The following KLF12 variants were observed in gnomAD, a reference collection of about 807,000 sequenced individuals.
KLF12 encodes KLF transcription factor 12.
KLF12 carries 9 observed loss-of-function variants against 37.8 expected under a neutral mutation model. That is an observed-to-expected ratio of 0.24 (90% confidence interval 0.14 to 0.42). KLF12 has a LOEUF of 0.42. KLF12 is among the 10% of genes least tolerant of loss of function. The pLI, the probability that KLF12 is intolerant of heterozygous loss-of-function variation, is 1.00. For missense variants in KLF12, 411 were observed against 516.0 expected (o/e 0.80, Z 1.97); for synonymous variants, 208 against 202.1 (o/e 1.03, Z -0.25).
the KLF12 span, among the ~76,000 whole-genome samples, chr13:74,261,810 A>G: frequency 1.3e-5 from 2 of 152,248 alleles, no homozygotes; most frequent in African/African-American, 2.4e-5. Flanking sequence ...AAATATGCAC[A>G]TGCAGACACA....
the KLF12 span, among the ~76,000 whole-genome samples, chr13:74,162,435 T>A: frequency 6.6e-6 from 1 of 152,252 alleles, no homozygotes; most frequent in Non-Finnish European, 1.5e-5. Flanking sequence ...TCAATTTGAT[T>A]CTTAAATTAG....
the KLF12 span, among the ~76,000 whole-genome samples, chr13:74,197,016 T>A: frequency 3.1e-4 from 47 of 152,256 alleles, no homozygotes; most frequent in African/African-American, 1.1e-3. Context: ...ATTTCTTCAA[T>A]ATTACAGGCT....
the KLF12 span, among the ~76,000 whole-genome samples, chr13:74,153,145 T>C: frequency 6.6e-6 from 1 of 151,924 alleles, no homozygotes; most frequent in East Asian, 1.9e-4. Flanking sequence ...TTCTCCTCCA[T>C]TGTAATTCAA....
At chr13:74,074,204 C>G (rs2138720304) in intron 1 of KLF12, among the ~76,000 whole-genome samples, 1 of 152,208 alleles carries the variant, frequency 6.6e-6, no homozygotes, top group Admixed American at 6.5e-5. Flanking sequence ...GCACATTTTG[C>G]TACTCTGAAG....
At chr13:73,929,175 G>C (rs958189379) in intron 3 of KLF12, among the ~76,000 whole-genome samples, 1 of 152,188 alleles carries the variant, frequency 6.6e-6, no homozygotes, top group African/African-American at 2.4e-5. Context: ...AAATACAAGA[G>C]AGATCAATGG....
chr13:74,187,883 T>C, the KLF12 span, among the ~76,000 whole-genome samples: 1 of 152,170 alleles, frequency 6.6e-6, no homozygotes, highest in Non-Finnish European at 1.5e-5. Context: ...CCCAAGGTGC[T>C]AAGAGTTGCT....
At chr13:74,275,809 TC>T in the KLF12 span, among the ~76,000 whole-genome samples, 1 of 79,640 alleles carries the variant, frequency 1.3e-5, no homozygotes, top group Non-Finnish European at 2.5e-5. Flanking sequence ...TTTCTTTCCT[TC>T]TTTCTTTCTT....
At chr13:73,715,225 G>C in intron 7 of KLF12, 143 bp downstream of exon 7, 1 of 595,606 alleles carries the variant, frequency 1.7e-6, no homozygotes, top group Non-Finnish European at 2.8e-6. Flanking sequence ...TCTCAAGAGA[G>C]AGAGAATACA....
the KLF12 span, among the ~76,000 whole-genome samples, chr13:74,191,642 G>A: frequency 6.6e-6 from 1 of 152,108 alleles, no homozygotes; most frequent in Non-Finnish European, 1.5e-5. Flanking sequence ...TTGCATGGCT[G>A]CACAGCTCTA....
the KLF12 span, among the ~76,000 whole-genome samples, chr13:74,205,168 C>T: frequency 6.6e-6 from 1 of 151,982 alleles, no homozygotes; most frequent in Non-Finnish European, 1.5e-5. Context: ...GGGTAAATTC[C>T]CTAAGGACAT....
At chr13:74,201,133 T>A in the KLF12 span, among the ~76,000 whole-genome samples, 1 of 152,192 alleles carries the variant, frequency 6.6e-6, no homozygotes, top group Admixed American at 6.6e-5. Context: ...AAGAAATGTG[T>A]GTGTCCCAGA....
intron 3 of KLF12, among the ~76,000 whole-genome samples, chr13:73,861,813 C>T (rs1422204822): frequency 6.6e-6 from 1 of 151,964 alleles, no homozygotes; most frequent in Non-Finnish European, 1.5e-5. Flanking sequence ...GGCTTAGGTA[C>T]TGGTATGAAT....
At chr13:73,799,849 T>C (rs138939302) in intron 5 of KLF12, among the ~76,000 whole-genome samples, 20 of 152,292 alleles carry the variant, frequency 1.3e-4, no homozygotes, top group African/African-American at 4.1e-4. Context: ...TCACTTGTAA[T>C]AGTGCTTACA....
intron 1 of KLF12, among the ~76,000 whole-genome samples, chr13:74,058,912 T>C (rs1873415595): frequency 6.6e-6 from 1 of 152,182 alleles, no homozygotes; most frequent in Admixed American, 6.5e-5. Flanking sequence ...AAATGATCAT[T>C]GTACCCAAAA....
At chr13:73,738,124 T>TATATATATATATATATATATACAC (rs1305200790) in intron 6 of KLF12, among the ~76,000 whole-genome samples, 1 of 81,932 alleles carries the variant, frequency 1.2e-5, no homozygotes, top group Non-Finnish European at 2.2e-5. Context: ...TATATATATA[T>TATATATATATATATATATATACAC]ACACACACAC....
At chr13:73,989,561 C>T (rs1566495437) in intron 2 of KLF12, among the ~76,000 whole-genome samples, 1 of 152,146 alleles carries the variant, frequency 6.6e-6, no homozygotes, top group Non-Finnish European at 1.5e-5. Context: ...ACTTAAGGGG[C>T]ACTGCTGTCC....
chr13:74,092,962 A>G (rs958076563), intron 1 of KLF12, among the ~76,000 whole-genome samples: 28 of 152,206 alleles, frequency 1.8e-4, no homozygotes, highest in African/African-American at 5.8e-4. Flanking sequence ...CTGTACAAAC[A>G]AAAAATCCAG....
At chr13:74,271,326 C>A in the KLF12 span, among the ~76,000 whole-genome samples, 1 of 152,142 alleles carries the variant, frequency 6.6e-6, no homozygotes, top group East Asian at 1.9e-4. Context: ...AGAAAAAGGG[C>A]AACTATGCTT....
chr13:74,042,883 C>A (rs2138549732), intron 1 of KLF12, among the ~76,000 whole-genome samples: 1 of 152,228 alleles, frequency 6.6e-6, no homozygotes, highest in East Asian at 1.9e-4. Flanking sequence ...GGGCAAGAAG[C>A]CTTTCTAGTA....
Sources: allele counts gnomAD v4.1 joint callset (sites outside exome capture counted in the v4.1 genomes callset), GRCh38; gene constraint gnomAD v4.1.1; transcripts MANE v1.5; gene names NCBI Gene and HGNC (gene_info 2026-07-23, HGNC 2026-07-21).